COL23A1: variants seen among roughly 807,000 people sequenced by gnomAD.
The protein encoded by COL23A1 is collagen alpha-1(XXIII) chain.
In COL23A1, 97 loss-of-function variants were observed where a neutral mutation model predicts 99.3. The observed-to-expected ratio is 0.98, with a 90% confidence interval of 0.83 to 1.16. The LOEUF (loss-of-function observed/expected upper bound fraction) is 1.16. COL23A1 is among the 50% of genes most tolerant of loss of function. The pLI is 0.00. For missense variants in COL23A1, 762 were observed against 757.4 expected, an observed-to-expected ratio of 1.01 and a Z score of -0.07; for synonymous variants, 320 against 308.2, an observed-to-expected ratio of 1.04 and a Z score of -0.40.
rs1350228011 is a variant in COL23A1 at position 178,265,097 on chromosome 5, C to T, written c.523-1773G>A. 2.0e-5 allele frequency among the ~76,000 whole-genome samples: 3 copies of T among 152,196 alleles called. No individual in the cohort carries two copies. The East Asian group carries it at 5.8e-4, about 29-fold the overall frequency. The stretch of plus-strand genomic sequence containing the variant: ...TCCTCTCACTGCCAAGGCACATGGT[C>T]CCTTTGAGACACTTCTTTTCATCCA... On this transcript the variant is annotated intron_variant, in intron 8 of 28. Coordinates refer to ENST00000390654, the MANE Select transcript of COL23A1 (RefSeq NM_173465.4).
chr5:178,408,616 G>C (rs1412130608), intron 2 of COL23A1, among the ~76,000 whole-genome samples: 2 of 152,038 alleles, frequency 1.3e-5, no homozygotes, highest in Non-Finnish European at 2.9e-5. Context: ...CTGAAAAATA[G>C]TTTGGGAGTT....
chr5:178,565,735 G>A (rs778430103), intron 1 of COL23A1, among the ~76,000 whole-genome samples: 7 of 152,060 alleles, frequency 4.6e-5, no homozygotes, highest in Non-Finnish European at 7.3e-5. Flanking sequence ...TGTCAGGGCT[G>A]GACTTAAATC....
In COL23A1 at chr5:178,563,750, C is replaced by A. The variant is rs371438149; in HGVS notation, c.295-3002G>T. 3.9e-5 allele frequency among the ~76,000 whole-genome samples: 6 copies of A among 151,906 alleles called. No individual in the cohort carries two copies. The East Asian group carries it at 7.8e-4, about 20-fold the overall frequency. On this transcript the variant is annotated intron_variant, in intron 1 of 28. Transcript: ENST00000390654. ...TTTCACTATGTTGCCCAGGCTGGTCCCAAATTCCTGGGCTCAAGCAATCCT... is the reference window on the plus strand; with the variant it reads ...TTTCACTATGTTGCCCAGGCTGGTCACAAATTCCTGGGCTCAAGCAATCCT...
chr5:178,360,898 G>A (rs143601657), intron 2 of COL23A1, among the ~76,000 whole-genome samples: 3 of 151,792 alleles, frequency 2.0e-5, no homozygotes, highest in Admixed American at 1.3e-4. Flanking sequence ...GCTTAACCTC[G>A]AGCAGCTGTG....
At position 178,570,158 on chromosome 5, in the gene COL23A1, G is replaced by A. The variant is rs370445228; in HGVS notation, c.295-9410C>T. 3.7e-4 allele frequency among the ~76,000 whole-genome samples: 56 copies of A among 151,070 alleles called. 2 individuals carry two copies. In the South Asian group the frequency reaches 0.012, roughly 31 times the overall value. Reference sequence around the variant, plus strand: ...AACAGGGTCTTGCTCTGTCACCCAGGCTGGAGTGTAGTGGTACCATCATGG... The same window carrying A: ...AACAGGGTCTTGCTCTGTCACCCAGACTGGAGTGTAGTGGTACCATCATGG... On this transcript the variant is annotated intron_variant, in intron 1 of 28. Coordinates refer to ENST00000390654, the MANE Select transcript of COL23A1 (RefSeq NM_173465.4).
chr5:178,445,392 GC>G (rs1207325707), intron 2 of COL23A1, among the ~76,000 whole-genome samples: 4 of 152,052 alleles, frequency 2.6e-5, no homozygotes, highest in Non-Finnish European at 5.9e-5. Flanking sequence ...AATATCAGAT[GC>G]CCTAAGTGTC....
At chr5:178,488,696 C>A (rs2546625) in intron 2 of COL23A1, among the ~76,000 whole-genome samples, 35,602 of 145,920 alleles carry the variant, frequency 0.24, 4,341 homozygotes, top group Middle Eastern at 0.29. Context: ...AAAAAAAAAA[C>A]GCTTTGAGGT....
intron 2 of COL23A1, among the ~76,000 whole-genome samples, chr5:178,341,549 G>C (rs1463953025): frequency 6.6e-6 from 1 of 152,208 alleles, no homozygotes; most frequent in Non-Finnish European, 1.5e-5. Flanking sequence ...GACAAGGGTG[G>C]GGAGGCAGAT....
intron 2 of COL23A1, among the ~76,000 whole-genome samples, chr5:178,404,714 T>C (rs1389599345): frequency 6.6e-6 from 1 of 152,124 alleles, no homozygotes; most frequent in Admixed American, 6.5e-5. Context: ...CCTCATGTCC[T>C]CCGTCCCCTC....
chr5:178,544,944 G>A lies in COL23A1; in HGVS notation c.361+15738C>T, dbSNP rs1161174017. Among the ~76,000 whole-genome samples the A allele has an allele frequency of 6.6e-6, 1 of 152,096 alleles. No homozygotes were observed. The highest frequency in any genetic ancestry group is 1.5e-5 in the Non-Finnish European group (1 of 68,036). On this transcript the variant is annotated intron_variant, in intron 2 of 28. Transcript: ENST00000390654. The surrounding 1 kb of genome is among the most constrained non-coding windows in gnomAD (Gnocchi z 4.4). ...AAAAAAGAAAAATTAACAAAATTTA[G>A]CCAGGTGTGGTGGCACGTGCCTGTA...
At position 178,509,499 on chromosome 5, in the gene COL23A1, G is replaced by A. The variant is rs150045194; in HGVS notation, c.361+51183C>T. ...GCCTCCCAAAGTGCTGGGATTACAGGCGTGAGCCACCGTGCCCGGCCAGAA... is the reference window on the plus strand; with the variant it reads ...GCCTCCCAAAGTGCTGGGATTACAGACGTGAGCCACCGTGCCCGGCCAGAA... On this transcript the variant is annotated intron_variant, in intron 2 of 28. Coordinates refer to ENST00000390654, the MANE Select transcript of COL23A1 (RefSeq NM_173465.4). Among the ~76,000 whole-genome samples, 889 of 152,256 alleles carry A rather than the reference G, an allele frequency of 5.8e-3. 9 individuals are homozygous for A. Among genetic ancestry groups the A allele is most frequent in the African/African-American group, 0.021 (856 of 41,532 alleles).
At chr5:178,334,824 T>A (rs1187244172) in intron 2 of COL23A1, among the ~76,000 whole-genome samples, 1 of 152,158 alleles carries the variant, frequency 6.6e-6, no homozygotes, top group Admixed American at 6.5e-5. Context: ...TATTAGTAAT[T>A]TTACAGGTAA....
chr5:178,578,032 C>CATGCACACA (rs1763469422), intron 1 of COL23A1, among the ~76,000 whole-genome samples: 2 of 152,200 alleles, frequency 1.3e-5, no homozygotes, highest in African/African-American at 4.8e-5. Context: ...GCCCACACAG[C>CATGCACACA]ATGCACACAC....
At position 178,306,164 on chromosome 5, in the gene COL23A1, G is replaced by A. The variant is rs986087144; in HGVS notation, c.406+711C>T. Among the ~76,000 whole-genome samples the A allele has an allele frequency of 4.6e-5, 7 of 151,938 alleles. No individual in the cohort carries two copies. Among genetic ancestry groups the A allele is most frequent in the East Asian group, 1.9e-4 (1 of 5,184 alleles). ...CCGGGTCACAGATGAGGGAGGAAGCGCAGGGAGGAAGCGCAGCCCAGACAG... is the reference window on the plus strand; with the variant it reads ...CCGGGTCACAGATGAGGGAGGAAGCACAGGGAGGAAGCGCAGCCCAGACAG... On this transcript the variant is annotated intron_variant, in intron 3 of 28. Transcript: ENST00000390654. This position sits in a 1 kb window ranked among gnomAD's most constrained non-coding sequence, Gnocchi z 4.1.
In COL23A1 at chr5:178,254,970, G is replaced by T. The variant is rs1164143585; in HGVS notation, c.939C>A (p.Gly313=). ...QGDTVVIDYD[G]RILDALKGPP... ...CTACCTTGAGGGCATCCAAGATCCT[G>T]CCATCATAGTCGATCACCACTGTGT... The change falls in exon 16 of 29, where the codon GGC becomes GGA. Residue 313 remains glycine, a synonymous_variant. Transcript: ENST00000390654. 6.8e-6 allele frequency: 11 copies of T among 1,613,590 alleles called. No individual in the cohort carries two copies. The Admixed American group carries it at 1.7e-4, about 24-fold the overall frequency.
rs546570825 is a variant in COL23A1 at position 178,579,636 on chromosome 5, G to A, written c.294+10268C>T. On this transcript the variant is annotated intron_variant, in intron 1 of 28. Coordinates refer to ENST00000390654, the MANE Select transcript of COL23A1 (RefSeq NM_173465.4). The stretch of plus-strand genomic sequence containing the variant: ...GCACGGCTGATTTTTGTACTTTTAG[G>A]AGAGACGGGGTTTCACCATGTTTGC... Among the ~76,000 whole-genome samples the A allele has an allele frequency of 1.1e-4, 17 of 152,120 alleles. No homozygotes were observed. In the South Asian group the frequency reaches 3.1e-3, roughly 28 times the overall value.
intron 2 of COL23A1, among the ~76,000 whole-genome samples, chr5:178,341,787 A>C (rs1760679274): frequency 6.6e-6 from 1 of 151,984 alleles, no homozygotes; most frequent in African/African-American, 2.4e-5. Flanking sequence ...CTCCAGCAGC[A>C]GCCGGCACCC....
In COL23A1 at chr5:178,589,782, C is replaced by G. The variant is rs940524621; in HGVS notation, c.294+122G>C. ...TGCCCATCTCTGGGACGGCCCCGAG[C>G]GCACGCAGCCGGCGGGCGACCCTCC... On this transcript the variant is annotated intron_variant, in intron 1 of 28. Transcript: ENST00000390654. This position sits in a 1 kb window ranked among gnomAD's most constrained non-coding sequence, Gnocchi z 5.4. 196 of 988,130 alleles carry G rather than the reference C, an allele frequency of 2.0e-4. 1 individual carries two copies. The highest frequency in any genetic ancestry group is 2.5e-4 in the Non-Finnish European group (191 of 769,808). The allele number at this position is 988,130 out of a possible 1,614,324, so 61.2% of individuals were successfully genotyped here. A position where few individuals can be genotyped will look rare whatever the true frequency, so the allele number is the denominator to read the frequency against.
intron 2 of COL23A1, among the ~76,000 whole-genome samples, chr5:178,484,889 A>G (rs1757532857): frequency 6.6e-6 from 1 of 152,074 alleles, no homozygotes; most frequent in South Asian, 2.1e-4. Context: ...CTGATAAATA[A>G]AAGCCCATAT....
Sources: allele counts gnomAD v4.1 joint callset (sites outside exome capture counted in the v4.1 genomes callset), GRCh38; gene constraint gnomAD v4.1.1; non-coding constraint Gnocchi (gnomAD v3.1); transcripts MANE v1.5; gene names NCBI Gene and HGNC (gene_info 2026-07-23, HGNC 2026-07-21).